The following COL6A5 variants were observed in gnomAD, a reference collection of about 807,000 sequenced individuals.
The protein encoded by COL6A5 is collagen alpha-5(VI) chain.
COL6A5 carries 48 observed loss-of-function variants against 65.6 expected under a neutral mutation model. The observed-to-expected ratio is 0.73, with a 90% confidence interval of 0.58 to 0.93. The LOEUF is 0.93. Ranked by LOEUF, COL6A5 falls within the 40% of genes least tolerant of loss-of-function variation. COL6A5 has a pLI of 0.00. For synonymous variants in COL6A5, 291 were observed against 322.8 expected (o/e 0.90, Z 1.05); for missense variants, 914 against 928.3 (o/e 0.98, Z 0.20).
chr3:130,413,426 A>G lies in COL6A5; in HGVS notation c.4663-119A>G, dbSNP rs185709663. The stretch of plus-strand genomic sequence containing the variant: ...TGTCTATGGAAAATGCCTCAGGGAA[A>G]CTGTTTCTGTGAGCTGCTCATTACT... On this transcript the variant is annotated intron_variant and NMD_transcript_variant, in intron 20 of 41. Transcript: ENST00000312481. The G allele has an allele frequency of 1.5e-3, 1,338 of 920,510 alleles. 15 individuals carry two copies. The highest frequency in any genetic ancestry group is 2.0e-3 in the Non-Finnish European group (1,193 of 587,514). 57.0% of individuals were successfully genotyped at this position (920,510 alleles called of 1,614,324 possible). A position where few individuals can be genotyped will look rare whatever the true frequency, so the allele number is the denominator to read the frequency against.
chr3:130,475,473 A>G (rs1379667961), intron 7 of COL6A5, among the ~76,000 whole-genome samples: 1 of 152,100 alleles, frequency 6.6e-6, no homozygotes, highest in South Asian at 2.1e-4. Flanking sequence ...TTTCTCTTTA[A>G]TGTGCTGAAA....
chr3:130,381,156 G>A (rs1037997045), intron 4 of COL6A5, among the ~76,000 whole-genome samples: 1 of 152,106 alleles, frequency 6.6e-6, no homozygotes. Flanking sequence ...AAAAATGGAA[G>A]CTGGGAAATG....
At chr3:130,409,282 A>G (rs1332693980) in intron 17 of COL6A5, 44 bp from the exon 18 acceptor site, 9 of 1,475,536 alleles carry the variant, frequency 6.1e-6, no homozygotes, top group Non-Finnish European at 8.2e-6. Context: ...CCATTATACA[A>G]GCCTCCTACA....
At chr3:130,393,977 G>T (rs552298813) in intron 7 of COL6A5, among the ~76,000 whole-genome samples, 47 of 150,476 alleles carry the variant, frequency 3.1e-4, no homozygotes, top group Non-Finnish European at 5.9e-4. Flanking sequence ...TATCCGGGCA[G>T]CCCATCTTTG....
chr3:130,456,731 A>T (rs1011465650), intron 5 of COL6A5, among the ~76,000 whole-genome samples: 2 of 152,176 alleles, frequency 1.3e-5, no homozygotes, highest in Non-Finnish European at 2.9e-5. Flanking sequence ...GCACTGTTCC[A>T]AAAGTATCAT....
rs202027029 is a variant in COL6A5 at position 130,393,074 on chromosome 3, T to G, written c.2992+1320T>G. Among the ~76,000 whole-genome samples the G allele has an allele frequency of 1.1e-3, 84 of 79,708 alleles. 1 individual carries two copies. Among genetic ancestry groups the G allele is most frequent in the Middle Eastern group, 5.3e-3 (1 of 188 alleles). The allele number at this position is 79,708 out of a possible 152,430, so 52.3% of individuals were successfully genotyped here. On this transcript the variant is annotated intron_variant and NMD_transcript_variant, in intron 7 of 41. Coordinates refer to the COL6A5 transcript ENST00000312481. ...CACTCTTCTGCTTACAGTGTTTTTT[T>G]TTTGTGTGTGTGTGTGTGTGTGTGT... is the stretch of plus-strand genomic sequence containing the variant.
At chr3:130,368,555 G>GTC (rs955994514) in intron 1 of COL6A5, among the ~76,000 whole-genome samples, 1 of 151,992 alleles carries the variant, frequency 6.6e-6, no homozygotes, top group African/African-American at 2.4e-5. Flanking sequence ...GAGTGTGTGT[G>GTC]TGTGTGTGTT....
chr3:130,411,401 C>G (rs927445559), intron 20 of COL6A5, among the ~76,000 whole-genome samples: 2 of 152,148 alleles, frequency 1.3e-5, no homozygotes, highest in Admixed American at 6.5e-5. Context: ...AATTTGGAAT[C>G]TTATTATTTT....
At position 130,382,062 on chromosome 3, in the gene COL6A5, G is replaced by GA. The variant is rs896897441; in HGVS notation, c.1300+2021dup. On this transcript the variant is annotated intron_variant and NMD_transcript_variant, in intron 4 of 41. Transcript: ENST00000312481. ...ATTGATATATTAGGAAATGTAACCA[G>GA]AAAAAAAAATGGAGATTGGTAAGAA... Among the ~76,000 whole-genome samples the GA allele has an allele frequency of 8.0e-5, 12 of 149,402 alleles. No individual in the cohort carries two copies. The South Asian group carries it at 1.5e-3, about 18-fold the overall frequency.
At chr3:130,439,420 A>G (rs1709116088) in intron 1 of COL6A5, 102 bp from the exon 34 acceptor site, 2 of 709,578 alleles carry the variant, frequency 2.8e-6, no homozygotes, top group Non-Finnish European at 4.9e-6. Context: ...ATGCAAGGTA[A>G]TAGTGATTAG....
chr3:130,422,635 T>C, intron 27 of COL6A5, 85 bp from the exon 28 acceptor site: 1 of 815,182 alleles, frequency 1.2e-6, no homozygotes, highest in South Asian at 1.6e-5. Context: ...ATAATATCAA[T>C]CAAGTTTGAG....
intron 5 of COL6A5, among the ~76,000 whole-genome samples, chr3:130,461,775 T>TAA (rs35931079): frequency 4.1e-5 from 6 of 145,516 alleles, no homozygotes; most frequent in South Asian, 2.1e-4. Flanking sequence ...TTTTTTTTTT[T>TAA]AAAAAAAACC....
intron 1 of COL6A5, among the ~76,000 whole-genome samples, chr3:130,353,605 T>C (rs1934800843): frequency 6.6e-6 from 1 of 151,766 alleles, no homozygotes; most frequent in Non-Finnish European, 1.5e-5. Flanking sequence ...AGGATGGCTT[T>C]GGGAAAAAAA....
chr3:130,463,477 C>T (rs1709746863), intron 5 of COL6A5, among the ~76,000 whole-genome samples: 1 of 152,206 alleles, frequency 6.6e-6, no homozygotes, highest in Admixed American at 6.5e-5. Context: ...CTTTCCACCC[C>T]CGCTTCTCCC....
chr3:130,429,576 G>T (rs1372386902), upstream of COL6A5: 2 of 1,546,580 alleles, frequency 1.3e-6, no homozygotes, highest in Non-Finnish European at 1.7e-6. Context: ...TTCACAGCTT[G>T]CTGGAAAGGT....
Position 130,426,107 on chromosome 3 carries a change from G to C in COL6A5, c.5164-107G>C. ...GGAATATTTTAACTACTCTCTACCA[G>C]CTGTGCTTTTAAGAAAGAAAGTTTT... On this transcript the variant is annotated intron_variant and NMD_transcript_variant, in intron 29 of 41. Coordinates refer to the COL6A5 transcript ENST00000312481. 4 of 1,002,690 alleles carry C rather than the reference G, an allele frequency of 4.0e-6. No individual in the cohort carries two copies. In the South Asian group the frequency reaches 5.9e-5, roughly 15 times the overall value. 62.1% of individuals were successfully genotyped at this position (1,002,690 alleles called of 1,614,324 possible).
At chr3:130,403,708 T>TACACACAC in intron 13 of COL6A5, 46 bp downstream of exon 13, 2 of 1,215,214 alleles carry the variant, frequency 1.6e-6, no homozygotes, top group Non-Finnish European at 2.3e-6. Context: ...ACACACACTG[T>TACACACAC]ACACACACAC....
intron 23 of COL6A5, 71 bp from the exon 24 acceptor site, chr3:130,416,686 T>C (rs368111301): frequency 2.3e-6 from 2 of 875,808 alleles, no homozygotes; most frequent in African/African-American, 1.7e-5. Context: ...TGAAGGAAAG[T>C]GAAATGTTTC....
exon 8 of COL6A5, chr3:130,484,158 C>T: frequency 9.0e-7 from 1 of 1,104,990 alleles, no homozygotes; most frequent in Non-Finnish European, 1.2e-6. Context: ...ATGACAGGGA[C>T]TTTTCACAAA....
Sources: allele counts gnomAD v4.1 joint callset (sites outside exome capture counted in the v4.1 genomes callset), GRCh38; gene constraint gnomAD v4.1.1; transcripts MANE v1.5; gene names NCBI Gene and HGNC (gene_info 2026-07-23, HGNC 2026-07-21).